Variants in WNK3 observed in about 807,000 individuals in gnomAD.
WNK3 encodes the protein serine/threonine-protein kinase WNK3.
In WNK3, 18 loss-of-function variants were observed where a neutral mutation model predicts 116.7. The ratio of observed to expected loss-of-function variants is 0.15; its 90% CI spans 0.11 to 0.23. The LOEUF (loss-of-function observed/expected upper bound fraction) is 0.23, where lower values mean the gene tolerates loss of function less well. Among genes scored for constraint, WNK3 ranks in the 10% least tolerant of loss-of-function variants. The pLI is 1.00. For missense variants in WNK3, 993 were observed against 1,323.8 expected, an observed-to-expected ratio of 0.75 and a Z score of 3.88; for synonymous variants, 404 against 469.4, an observed-to-expected ratio of 0.86 and a Z score of 1.80.
At chrX:54,214,275 G>C (rs997855946) in intron 22 of WNK3, among the ~76,000 whole-genome samples, 10 of 111,450 alleles carry the variant, frequency 9.0e-5, no homozygotes, top group African/African-American at 3.3e-4. Flanking sequence ...GAGCCACCAA[G>C]CCTGGCCAAA....
rs149474452 is a variant in WNK3 at position 54,209,826 on chromosome X, C to T, written c.4871-7633G>A. Reference sequence around the variant, plus strand: ...TCAGCCTCCCCAAGTGTTGGGATTACAAGCATGAGCCACCGCACCTGGCCA... The same window carrying T: ...TCAGCCTCCCCAAGTGTTGGGATTATAAGCATGAGCCACCGCACCTGGCCA... On this transcript the variant is annotated intron_variant, in intron 22 of 23. Coordinates refer to ENST00000354646, the Ensembl canonical transcript of WNK3. Among the ~76,000 whole-genome samples, 523 of 110,853 alleles carry T rather than the reference C, an allele frequency of 4.7e-3. 2 individuals are homozygous for T. The highest frequency in any genetic ancestry group is 0.016 in the African/African-American group (492 of 30,523).
At chrX:54,299,449 GTT>G (rs11383477) in intron 6 of WNK3, among the ~76,000 whole-genome samples, 5 of 83,692 alleles carry the variant, frequency 6.0e-5, no homozygotes, top group Non-Finnish European at 4.6e-5. Flanking sequence ...GTGTTTTGGT[GTT>G]TTTTTTTTTT....
chrX:54,311,717 CA>C (rs1203764426), intron 2 of WNK3, among the ~76,000 whole-genome samples: 2 of 111,429 alleles, frequency 1.8e-5, no homozygotes, highest in African/African-American at 6.5e-5. Context: ...TCTGAATTGC[CA>C]AAATAAAAGT....
chrX:54,197,507 C>CCT (rs2067454939), exon 24 of WNK3: 1 of 110,458 alleles, frequency 9.1e-6, no homozygotes, highest in Non-Finnish European at 1.9e-5. Context: ...GGGCGGATCA[C>CCT]AAGGTTAGGA....
At chrX:54,273,517 G>A (rs1474485523) in intron 10 of WNK3, among the ~76,000 whole-genome samples, 2 of 111,614 alleles carry the variant, frequency 1.8e-5, no homozygotes, top group Non-Finnish European at 3.8e-5. Context: ...ACTCCAGCCT[G>A]GGCAACAGAG....
In WNK3 at chrX:54,298,160, G is replaced by A; in HGVS notation, c.1398+15C>T. On this transcript the variant is annotated intron_variant, in intron 7 of 23. Transcript: ENST00000354646. ...ACAATAAGAGGTGAGGGGAATAGTG[G>A]TATGATTAACTTACCATTTCATATG... is the stretch of plus-strand genomic sequence containing the variant. 1.9e-6 allele frequency: 2 copies of A among 1,051,973 alleles called. No individual in the cohort carries two copies. The highest frequency in any genetic ancestry group is 2.7e-6 in the Non-Finnish European group (2 of 750,945). 86.7% of individuals were successfully genotyped at this position (1,051,973 alleles called of 1,213,427 possible).
intron 19 of WNK3, among the ~76,000 whole-genome samples, chrX:54,237,795 C>T (rs1309189930): frequency 9.0e-6 from 1 of 111,462 alleles, no homozygotes; most frequent in Admixed American, 9.6e-5. Context: ...CCCACCCACC[C>T]GCCAAAAGAA....
At chrX:54,247,017 A>G (rs1022502655) in intron 17 of WNK3, among the ~76,000 whole-genome samples, 1 of 112,095 alleles carries the variant, frequency 8.9e-6, no homozygotes, top group Non-Finnish European at 1.9e-5. Context: ...TACTTAGTCA[A>G]TCAAGTGTGA....
exon 7 of WNK3, chrX:54,298,367 A>G (rs41300632): frequency 0.016 from 19,637 of 1,206,627 alleles, 136 homozygotes; most frequent in Non-Finnish European, 0.02. Context: ...CAAAAAATGC[A>G]TGGTTTAATA....
At chrX:54,279,025 G>A (rs1008551480) in intron 10 of WNK3, among the ~76,000 whole-genome samples, 1 of 110,838 alleles carries the variant, frequency 9.0e-6, no homozygotes, top group Non-Finnish European at 1.9e-5. Context: ...CCAAGATCGC[G>A]CCATCGCATT....
rs1337828270 is a variant in WNK3 at position 54,298,318 on chromosome X, C to T, written c.1255G>A (p.Asp419Asn). 29 of 1,209,197 alleles carry T rather than the reference C, an allele frequency of 2.4e-5. No individual in the cohort carries two copies. The highest frequency in any genetic ancestry group is 3.2e-5 in the Non-Finnish European group (29 of 894,922). ...GCAAGGGATGAATTTGAGCAATCATCTTCTTCTGCTAACTCCACCCTCAGT... is the reference window on the plus strand; with the variant it reads ...GCAAGGGATGAATTTGAGCAATCATTTTCTTCTGCTAACTCCACCCTCAGT... The change falls in exon 7 of 24, where the codon GAT (aspartate) becomes AAT (asparagine). Residue 419 changes from aspartate (D) to asparagine (N), a missense_variant. Physicochemically the swap from Asp to Asn is conservative, Grantham distance 23 (BLOSUM62 1). Transcript: ENST00000354646.
At chrX:54,301,054 C>T (rs1891531111) in intron 6 of WNK3, among the ~76,000 whole-genome samples, 1 of 108,914 alleles carries the variant, frequency 9.2e-6, no homozygotes, top group Non-Finnish European at 1.9e-5. Flanking sequence ...ACCAGCCTGG[C>T]CAACATGGTA....
intron 10 of WNK3, among the ~76,000 whole-genome samples, chrX:54,281,833 C>G (rs782695833): frequency 1.8e-5 from 2 of 110,805 alleles, no homozygotes; most frequent in Admixed American, 9.7e-5. Flanking sequence ...TATATGCACA[C>G]ACACCACATT....
At chrX:54,232,839 T>C (rs1557149282) in exon 21 of WNK3, 2 of 1,209,970 alleles carry the variant, frequency 1.7e-6, no homozygotes, top group Admixed American at 4.4e-5. Context: ...TCCACATGTG[T>C]CAAGGACTGG....
chrX:54,217,997 A>C lies in WNK3; in HGVS notation c.4870+10717T>G, dbSNP rs983453307. On this transcript the variant is annotated intron_variant, in intron 22 of 23. Coordinates refer to ENST00000354646, the Ensembl canonical transcript of WNK3. ...GAAAGCATGACATATGCAGGAAAAA[A>C]GGGGACCCAACAAAAACATCCTGGA... Among the ~76,000 whole-genome samples the C allele has an allele frequency of 1.3e-4, 15 of 111,917 alleles. No homozygotes were observed. In the East Asian group the frequency reaches 4.2e-3, roughly 31 times the overall value.
intron 2 of WNK3, among the ~76,000 whole-genome samples, chrX:54,329,819 T>C (rs1381726800): frequency 1.8e-5 from 2 of 112,042 alleles, no homozygotes; most frequent in African/African-American, 6.5e-5. Flanking sequence ...CATTTACAGA[T>C]GGTATCATGC....
At position 54,218,689 on chromosome X, in the gene WNK3, G is replaced by A. The variant is rs1466552905; in HGVS notation, c.4870+10025C>T. On this transcript the variant is annotated intron_variant, in intron 22 of 23. Transcript: ENST00000354646. ...ACTTGAGGTCAGGAGTTCGAGATCAGCCTGGCCAACATGGTGAAACCCTGC... is the reference window on the plus strand; with the variant it reads ...ACTTGAGGTCAGGAGTTCGAGATCAACCTGGCCAACATGGTGAAACCCTGC... Among the ~76,000 whole-genome samples, 8 of 110,453 alleles carry A rather than the reference G, an allele frequency of 7.2e-5. 1 individual carries two copies. The Admixed American group carries it at 7.7e-4, about 11-fold the overall frequency.
At chrX:54,313,645 T>C (rs1200931908) in intron 2 of WNK3, among the ~76,000 whole-genome samples, 1 of 110,670 alleles carries the variant, frequency 9.0e-6, no homozygotes, top group African/African-American at 3.3e-5. Context: ...CCACCTCGCC[T>C]GGCACAACTC....
chrX:54,221,745 G>C (rs782094594), intron 22 of WNK3, among the ~76,000 whole-genome samples: 2 of 111,046 alleles, frequency 1.8e-5, no homozygotes, highest in Non-Finnish European at 3.8e-5. Flanking sequence ...TGAGGCAGGA[G>C]AATCGCTTGA....
Sources: gnomAD v4.1 joint callset for allele counts (sites outside exome capture counted in the v4.1 genomes callset) on GRCh38, gnomAD v4.1.1 for gene constraint, MANE v1.5 for transcripts, NCBI Gene and HGNC (gene_info 2026-07-23, HGNC 2026-07-21) for gene names.